Variants in WIPF2 observed in about 807,000 individuals in gnomAD.
WIPF2 encodes the protein WAS/WASL-interacting protein family member 2.
In WIPF2, 23 loss-of-function variants were observed where a neutral mutation model predicts 38.8. The ratio of observed to expected loss-of-function variants is 0.59; its 90% CI spans 0.43 to 0.84. WIPF2 has a LOEUF of 0.84. Among genes scored for constraint, WIPF2 ranks in the 40% least tolerant of loss-of-function variants. The pLI, the probability that WIPF2 is intolerant of heterozygous loss-of-function variation, is 0.00. For missense variants in WIPF2, 574 were observed against 580.5 expected, an observed-to-expected ratio of 0.99 and a Z score of 0.11; for synonymous variants, 210 against 223.2, an observed-to-expected ratio of 0.94 and a Z score of 0.53.
chr17:40,266,645 T>G (rs1342555102), intron 5 of WIPF2, among the ~76,000 whole-genome samples: 1 of 152,092 alleles, frequency 6.6e-6, no homozygotes, highest in Non-Finnish European at 1.5e-5. Context: ...GTGAAGTGAT[T>G]GTTGGACGAA....
At position 40,273,929 on chromosome 17, in the gene WIPF2, ACCC is replaced by A. The variant is rs1161865813; in HGVS notation, c.1113_1115del (p.Pro377del). 1 of 1,478,998 alleles carries A rather than the reference ACCC, an allele frequency of 6.8e-7. No homozygotes were observed. Among genetic ancestry groups the A allele is most frequent in the Non-Finnish European group, 9.0e-7 (1 of 1,107,674 alleles). 91.6% of individuals were successfully genotyped at this position (1,478,998 alleles called of 1,614,324 possible). ...CACCCTCAAGGACGCCAGCTGGGCC[ACCC>A]CCTCCTCCTCCACCGCCCCTGAGGA... On this transcript the variant is annotated inframe_deletion, in exon 6 of 8. Transcript: ENST00000323571.
At chr17:40,240,008 T>C (rs947886746) in intron 1 of WIPF2, among the ~76,000 whole-genome samples, 33 of 151,670 alleles carry the variant, frequency 2.2e-4, no homozygotes, top group Admixed American at 2.1e-3. Context: ...GGTTTAACTT[T>C]TCTAATTTGC....
intron 1 of WIPF2, among the ~76,000 whole-genome samples, chr17:40,246,689 G>A (rs960369178): frequency 6.6e-5 from 10 of 152,048 alleles, no homozygotes; most frequent in Non-Finnish European, 8.8e-5. Flanking sequence ...GAGCCACTGC[G>A]CCTGGCTAGG....
In WIPF2 at chr17:40,265,042, G is replaced by A. The variant is rs752975346; in HGVS notation, c.866G>A (p.Gly289Glu). 6.8e-6 allele frequency: 11 copies of A among 1,613,776 alleles called. No individual in the cohort carries two copies. Among genetic ancestry groups the A allele is most frequent in the Non-Finnish European group, 8.5e-6 (10 of 1,179,976 alleles). The change falls in exon 5 of 8, where the codon GGG (glycine) becomes GAG (glutamate). Residue 289 changes from glycine to glutamate, a missense_variant. Coordinates refer to ENST00000323571, the MANE Select transcript of WIPF2 (RefSeq NM_133264.5). ...RHNSLHRKTPGPVRGLAPPPP... is the reference protein window; with the variant it reads ...RHNSLHRKTPEPVRGLAPPPP... ...AATTCTTTGCATAGGAAGACACCAG[G>A]GCCTGTCAGAGGCCTAGCACCTCCT...
At chr17:40,258,237 T>C (rs1418743836) in intron 2 of WIPF2, among the ~76,000 whole-genome samples, 5 of 140,982 alleles carry the variant, frequency 3.5e-5, no homozygotes, top group Admixed American at 7.1e-5. Context: ...ATCTCTACTA[T>C]AAATACAAAA....
intron 5 of WIPF2, among the ~76,000 whole-genome samples, chr17:40,269,953 T>G (rs902751936): frequency 6.6e-6 from 1 of 151,998 alleles, no homozygotes; most frequent in Non-Finnish European, 1.5e-5. Flanking sequence ...ACCATCATAC[T>G]TTTCTCAAAA....
intron 6 of WIPF2, among the ~76,000 whole-genome samples, chr17:40,274,892 A>G (rs1330868240): frequency 1.4e-5 from 2 of 147,920 alleles, no homozygotes; most frequent in African/African-American, 5.0e-5. Flanking sequence ...TGATCACATC[A>G]CTGCACCCCA....
At chr17:40,224,709 C>T (rs994962565) in intron 1 of WIPF2, among the ~76,000 whole-genome samples, 11 of 151,616 alleles carry the variant, frequency 7.3e-5, no homozygotes, top group African/African-American at 2.7e-4. Context: ...TTGATACTAC[C>T]AAATTGAAAG....
intron 1 of WIPF2, among the ~76,000 whole-genome samples, chr17:40,236,157 T>A (rs1567711559): frequency 6.6e-6 from 1 of 150,694 alleles, no homozygotes; most frequent in Non-Finnish European, 1.5e-5. Context: ...GACTAAAGGG[T>A]TTCATTCACC....
intron 5 of WIPF2, among the ~76,000 whole-genome samples, chr17:40,268,312 C>T (rs995179149): frequency 2.0e-5 from 3 of 152,196 alleles, no homozygotes; most frequent in African/African-American, 4.8e-5. Context: ...CCATATCTCC[C>T]TAGCTTTAGC....
At chr17:40,275,427 G>A (rs2145414845) in intron 6 of WIPF2, among the ~76,000 whole-genome samples, 1 of 152,088 alleles carries the variant, frequency 6.6e-6, no homozygotes, top group South Asian at 2.1e-4. Context: ...AATGTTGGGG[G>A]GGCTCTACCT....
intron 1 of WIPF2, among the ~76,000 whole-genome samples, chr17:40,226,131 C>G (rs773737654): frequency 6.7e-6 from 1 of 149,180 alleles, no homozygotes; most frequent in Non-Finnish European, 1.5e-5. Context: ...TTTTTCCTCC[C>G]AATAATCCCT....
intron 1 of WIPF2, among the ~76,000 whole-genome samples, chr17:40,221,216 A>G (rs547182456): frequency 2.0e-5 from 3 of 152,046 alleles, no homozygotes; most frequent in East Asian, 3.9e-4. Flanking sequence ...GTTTTTGGCT[A>G]TTCTGTTCTC....
At chr17:40,274,649 A>G (rs958786797) in intron 6 of WIPF2, among the ~76,000 whole-genome samples, 20 of 150,810 alleles carry the variant, frequency 1.3e-4, no homozygotes, top group Non-Finnish European at 2.4e-4. Flanking sequence ...AAAAAATATT[A>G]AAGAAAAAAG....
chr17:40,228,004 CTTTTTGTT>C (rs2030566232), intron 1 of WIPF2, among the ~76,000 whole-genome samples: 2 of 119,924 alleles, frequency 1.7e-5, no homozygotes, highest in Non-Finnish European at 3.3e-5. Context: ...TTTTATACCT[CTTTTTGTT>C]TTTTTTTTTT....
At chr17:40,250,565 A>G (rs1395439104) in intron 1 of WIPF2, among the ~76,000 whole-genome samples, 1 of 151,716 alleles carries the variant, frequency 6.6e-6, no homozygotes, top group Non-Finnish European at 1.5e-5. Flanking sequence ...TTGGTTTTTA[A>G]GATGGAAGGG....
intron 1 of WIPF2, among the ~76,000 whole-genome samples, chr17:40,256,118 A>T (rs867277637): frequency 6.6e-6 from 1 of 150,522 alleles, no homozygotes; most frequent in South Asian, 2.1e-4. Flanking sequence ...AAAAAAAAAA[A>T]AGGACACAAG....
intron 4 of WIPF2, among the ~76,000 whole-genome samples, 164 bp from the exon 5 acceptor site, chr17:40,264,326 C>CAAAAAAAAAAAAAAAAAAAAAAAAAAAA (rs772320240): frequency 8.3e-5 from 2 of 23,966 alleles, no homozygotes; most frequent in Non-Finnish European, 1.7e-4. Context: ...AACTTCGTCT[C>CAAAAAAAAAAAAAAAAAAAAAAAAAAAA]AAAAAAAAAA....
At chr17:40,232,179 A>ATTTTTTTTTTTTTTTTTTTTTTTTT (rs752876006) in intron 1 of WIPF2, among the ~76,000 whole-genome samples, 7 of 76,052 alleles carry the variant, frequency 9.2e-5, no homozygotes, top group Non-Finnish European at 1.4e-4. Context: ...TGCCTGGCTA[A>ATTTTTTTTTTTTTTTTTTTTTTTTT]TTTTTTTTTT....
Sources: allele counts gnomAD v4.1 joint callset (sites outside exome capture counted in the v4.1 genomes callset), GRCh38; gene constraint gnomAD v4.1.1; transcripts MANE v1.5; gene names NCBI Gene and HGNC (gene_info 2026-07-23, HGNC 2026-07-21).